The following CADPS variants were observed in gnomAD, a reference collection of about 807,000 sequenced individuals.
The protein encoded by CADPS is calcium-dependent secretion activator 1.
CADPS carries 57 observed loss-of-function variants against 167.3 expected under a neutral mutation model. The ratio of observed to expected loss-of-function variants is 0.34; its 90% CI spans 0.28 to 0.42. CADPS has a LOEUF of 0.42. Ranked by LOEUF, CADPS falls within the 20% of genes least tolerant of loss-of-function variation. CADPS has a pLI of 1.00. For synonymous variants in CADPS, 676 were observed against 635.3 expected, an observed-to-expected ratio of 1.06 and a Z score of -0.96; for missense variants, 1,414 against 1,738.1, an observed-to-expected ratio of 0.81 and a Z score of 3.32.
Position 62,745,139 on chromosome 3 carries a change from G to C in CADPS, c.888+8302C>G, listed in dbSNP as rs181272388. On this transcript the variant is annotated intron_variant, in intron 3 of 29. Coordinates refer to ENST00000383710, the MANE Select transcript of CADPS (RefSeq NM_003716.4). ...GCTCTGTCACCCAGGCTGGAGTGCAGTGGCACAATTACAGCTCACTGCAGC... is the reference window on the plus strand; with the variant it reads ...GCTCTGTCACCCAGGCTGGAGTGCACTGGCACAATTACAGCTCACTGCAGC... 2.6e-3 allele frequency among the ~76,000 whole-genome samples: 389 copies of C among 152,224 alleles called. 23 individuals are homozygous for C. In the South Asian group the frequency reaches 0.077, roughly 30 times the overall value.
At chr3:62,841,240 T>C (rs1577154287) in intron 1 of CADPS, among the ~76,000 whole-genome samples, 1 of 152,320 alleles carries the variant, frequency 6.6e-6, no homozygotes, top group East Asian at 1.9e-4. Flanking sequence ...AAGAAAACTC[T>C]TTAGTCTAAA....
At chr3:62,427,867 T>C (rs9845904) in intron 28 of CADPS, among the ~76,000 whole-genome samples, 82 of 150,650 alleles carry the variant, frequency 5.4e-4, no homozygotes, top group African/African-American at 1.8e-3. Flanking sequence ...TGTTCTTTTC[T>C]AAAAAAAAAA....
At chr3:62,687,121 T>C (rs779276885) in intron 3 of CADPS, among the ~76,000 whole-genome samples, 1 of 152,120 alleles carries the variant, frequency 6.6e-6, no homozygotes, top group African/African-American at 2.4e-5. Context: ...AGATTTGTTA[T>C]GGAAGACAAG....
At chr3:62,844,830 GGCTAA>G (rs1258462074) in intron 1 of CADPS, among the ~76,000 whole-genome samples, 1 of 152,156 alleles carries the variant, frequency 6.6e-6, no homozygotes, top group African/African-American at 2.4e-5. Flanking sequence ...GTCAAACTCT[GGCTAA>G]GCTAATTAGG....
At chr3:62,609,420 C>A (rs1297045758) in intron 6 of CADPS, among the ~76,000 whole-genome samples, 1 of 152,168 alleles carries the variant, frequency 6.6e-6, no homozygotes, top group African/African-American at 2.4e-5. Context: ...GTTTCCACCA[C>A]ATTGAGTGAG....
intron 1 of CADPS, among the ~76,000 whole-genome samples, chr3:62,767,475 AG>A (rs966373353): frequency 1.3e-5 from 2 of 152,222 alleles, no homozygotes; most frequent in Admixed American, 1.3e-4. Flanking sequence ...AAAAATTAAA[AG>A]TTTTTATATA....
rs1368072831 is a variant in CADPS, at chr3:62,514,549, T to C, written c.2581+1510A>G. ...AGATAATTAACACAACCAAGAAGAA[T>C]TGAGGCACAAAAGGAAATTACAGAC... On this transcript the variant is annotated intron_variant, in intron 16 of 29. Coordinates refer to ENST00000383710, the MANE Select transcript of CADPS (RefSeq NM_003716.4). The surrounding 1 kb of genome is among the most constrained non-coding windows in gnomAD (Gnocchi z 4.2). Among the ~76,000 whole-genome samples, 1 of 152,072 alleles carries C rather than the reference T, an allele frequency of 6.6e-6. No individual in the cohort carries two copies. Among genetic ancestry groups the C allele is most frequent in the African/African-American group, 2.4e-5 (1 of 41,416 alleles).
chr3:62,661,448 G>T (rs1432351340), intron 4 of CADPS, among the ~76,000 whole-genome samples: 3 of 152,142 alleles, frequency 2.0e-5, no homozygotes, highest in Non-Finnish European at 4.4e-5. Flanking sequence ...GCCTGGAAAG[G>T]GCCTGGTATA....
At chr3:62,727,032 T>A (rs2076873967) in intron 3 of CADPS, among the ~76,000 whole-genome samples, 1 of 151,840 alleles carries the variant, frequency 6.6e-6, no homozygotes, top group Non-Finnish European at 1.5e-5. Context: ...TGCTTATTAG[T>A]AAAAACACCT....
chr3:62,662,090 G>C (rs1407697601), intron 4 of CADPS, among the ~76,000 whole-genome samples: 4 of 152,172 alleles, frequency 2.6e-5, no homozygotes, highest in Non-Finnish European at 5.9e-5. Context: ...AGGAATGTTG[G>C]AGGTCTGAGC....
chr3:62,485,998 T>G (rs575167318), intron 21 of CADPS, among the ~76,000 whole-genome samples: 1 of 152,312 alleles, frequency 6.6e-6, no homozygotes, highest in East Asian at 1.9e-4. Flanking sequence ...ATTACTTGTC[T>G]ATTTGACACC....
At chr3:62,653,042 G>C (rs2070635264) in intron 4 of CADPS, among the ~76,000 whole-genome samples, 1 of 152,070 alleles carries the variant, frequency 6.6e-6, no homozygotes, top group Non-Finnish European at 1.5e-5. Context: ...CTATCTCCCT[G>C]CATAACTAAC....
At chr3:62,501,890 A>G (rs1239070676) in intron 17 of CADPS, among the ~76,000 whole-genome samples, 1 of 152,230 alleles carries the variant, frequency 6.6e-6, no homozygotes, top group East Asian at 1.9e-4. Flanking sequence ...GCATGCAGCC[A>G]TTCTATGAGT....
rs778803963 is a variant in CADPS, at chr3:62,514,705, T to C, written c.2581+1354A>G. Among the ~76,000 whole-genome samples the C allele has an allele frequency of 3.3e-5, 5 of 152,134 alleles. No individual in the cohort carries two copies. Among genetic ancestry groups the C allele is most frequent in the Non-Finnish European group, 7.4e-5 (5 of 67,988 alleles). On this transcript the variant is annotated intron_variant, in intron 16 of 29. Coordinates refer to ENST00000383710, the MANE Select transcript of CADPS (RefSeq NM_003716.4). This position sits in a 1 kb window ranked among gnomAD's most constrained non-coding sequence, Gnocchi z 4.2. The stretch of plus-strand genomic sequence containing the variant: ...GTAGTAATAGCTAGACCAAGACCTA[T>C]GAGGCAGCAGCCATGGCAACAGAAC...
At chr3:62,592,605 G>A in intron 7 of CADPS, 32 bp downstream of exon 7, 2 of 1,533,534 alleles carry the variant, frequency 1.3e-6, no homozygotes, top group Non-Finnish European at 1.8e-6. Flanking sequence ...AATCCTCTCT[G>A]TGGAGTTCCC....
intron 3 of CADPS, among the ~76,000 whole-genome samples, chr3:62,706,446 G>C (rs1314232747): frequency 6.6e-6 from 1 of 152,082 alleles, no homozygotes; most frequent in East Asian, 1.9e-4. Context: ...TGAAATAGGA[G>C]AGAAAAGAAC....
intron 3 of CADPS, among the ~76,000 whole-genome samples, chr3:62,663,611 CAA>C (rs34328613): frequency 0.094 from 11,337 of 120,082 alleles, 436 homozygotes; most frequent in South Asian, 0.21. Flanking sequence ...TCCCTGCCTC[CAA>C]AAAAAAAAAA....
chr3:62,874,721 TTCCTTC>T lies in CADPS; in HGVS notation c.303_308del (p.Lys102_Glu103del), dbSNP rs777836532. On this transcript the variant is annotated inframe_deletion, in exon 1 of 30. Coordinates refer to ENST00000383710, the MANE Select transcript of CADPS (RefSeq NM_003716.4). The surrounding 1 kb of genome is among the most constrained non-coding windows in gnomAD (Gnocchi z 7.1). The stretch of plus-strand genomic sequence containing the variant: ...CCTCTTTCTGCAGCCGCTCCAACTC[TTCCTTC>T]TCCTTCTCGCTCACCACCGACGGGC... 2.6e-6 allele frequency: 4 copies of T among 1,524,366 alleles called. No individual in the cohort carries two copies. Among genetic ancestry groups the T allele is most frequent in the East Asian group, 2.5e-5 (1 of 40,476 alleles). The allele number at this position is 1,524,366 out of a possible 1,614,324, so 94.4% of individuals were successfully genotyped here.
At chr3:62,688,357 T>A (rs1373395795) in intron 3 of CADPS, among the ~76,000 whole-genome samples, 5 of 152,076 alleles carry the variant, frequency 3.3e-5, no homozygotes, top group East Asian at 3.9e-4. Context: ...TTGTTACTCA[T>A]CTCTAAGATG....
Sources: gnomAD v4.1 joint callset for allele counts (sites outside exome capture counted in the v4.1 genomes callset) on GRCh38, gnomAD v4.1.1 for gene constraint, Gnocchi (gnomAD v3.1) non-coding constraint, MANE v1.5 for transcripts, NCBI Gene and HGNC (gene_info 2026-07-23, HGNC 2026-07-21) for gene names.